Variants in UNC13B observed in about 807,000 individuals in gnomAD.
UNC13B encodes the protein unc-13 homolog B, also known as protein unc-13 homolog B.
Under a neutral mutation model 211.0 loss-of-function variants are expected in UNC13B, and 144 were observed. The observed-to-expected ratio is 0.68, with a 90% CI of 0.60 to 0.78. The LOEUF (loss-of-function observed/expected upper bound fraction) is 0.78, where lower values mean the gene tolerates loss of function less well. Among genes scored for constraint, UNC13B ranks in the 30% least tolerant of loss-of-function variants. The probability of loss-of-function intolerance (pLI) is 0.00; values close to 1 mark genes in which losing one functional copy is unlikely to be tolerated. For synonymous variants in UNC13B, 709 were observed against 725.8 expected, an observed-to-expected ratio of 0.98 and a Z score of 0.37; for missense variants, 1,777 against 2,002.0, an observed-to-expected ratio of 0.89 and a Z score of 2.14.
chr9:35,343,093 T>C (rs1832116523), intron 11 of UNC13B, among the ~76,000 whole-genome samples: 1 of 152,254 alleles, frequency 6.6e-6, no homozygotes, highest in Non-Finnish European at 1.5e-5. Flanking sequence ...GAAAGAGCAC[T>C]AACTTTGCAG....
chr9:35,335,046 TA>T (rs1188251028), intron 11 of UNC13B, among the ~76,000 whole-genome samples: 2 of 151,986 alleles, frequency 1.3e-5, no homozygotes, highest in South Asian at 4.2e-4. Flanking sequence ...TCAAAACAAA[TA>T]AAAAATTAAA....
chr9:35,308,616 G>C (rs908179132), intron 9 of UNC13B, among the ~76,000 whole-genome samples: 2 of 152,176 alleles, frequency 1.3e-5, no homozygotes, highest in African/African-American at 2.4e-5. Flanking sequence ...TCTGCCAAAT[G>C]TAATTCATTT....
chr9:35,327,531 T>C (rs1460192094), intron 11 of UNC13B, among the ~76,000 whole-genome samples: 1 of 152,122 alleles, frequency 6.6e-6, no homozygotes, highest in African/African-American at 2.4e-5. Context: ...GCCAGAAAAC[T>C]CAGCAAGCAA....
Position 35,301,648 on chromosome 9 carries a change from TGA to T in UNC13B, c.2248_2249del (p.Leu751IlefsTer33), listed in dbSNP as rs2131826877. On this transcript the variant is annotated frameshift_variant, in exon 9 of 40. Coordinates refer to ENST00000635942, the MANE Select transcript of UNC13B (RefSeq NM_001371189.2). LOFTEE classifies it high-confidence loss of function. ...NLVSSASKND[E>X]SLLEEKLCID... ...TAGTTAGTTCTGCAAGTAAAAATGA[TGA>T]GAGTCTATTGGAAGAAAAACTCTGT... The T allele has an allele frequency of 2.5e-6, 1 of 398,870 alleles. No individual in the cohort carries two copies. Among genetic ancestry groups the T allele is most frequent in the East Asian group, 3.6e-5 (1 of 28,072 alleles). The allele number at this position is 398,870 out of a possible 1,614,324, so 24.7% of individuals were successfully genotyped here. A position where few individuals can be genotyped will look rare whatever the true frequency, so the allele number is the denominator to read the frequency against.
intron 1 of UNC13B, among the ~76,000 whole-genome samples, chr9:35,177,962 A>G (rs917322807): frequency 7.9e-5 from 12 of 152,318 alleles, no homozygotes; most frequent in African/African-American, 2.9e-4. Flanking sequence ...AGAAAGAATA[A>G]CAACTTCTGG....
At chr9:35,266,602 A>G (rs1827591231) in intron 7 of UNC13B, among the ~76,000 whole-genome samples, 2 of 152,228 alleles carry the variant, frequency 1.3e-5, no homozygotes, top group South Asian at 2.1e-4. Flanking sequence ...AGTTATTTGG[A>G]TATACTCTTA....
At chr9:35,332,201 C>T (rs182034384) in intron 11 of UNC13B, among the ~76,000 whole-genome samples, 6 of 152,228 alleles carry the variant, frequency 3.9e-5, no homozygotes, top group African/African-American at 7.2e-5. Flanking sequence ...CCACCCGCCT[C>T]GGCCTCCCAA....
chr9:35,301,665 A>G lies in UNC13B; in HGVS notation c.2261A>G (p.Glu754Gly), dbSNP rs571940960. Reference sequence around the variant, plus strand: ...AAAAATGATGAGAGTCTATTGGAAGAAAAACTCTGTATAGATCTGTCTCTT... The same window carrying G: ...AAAAATGATGAGAGTCTATTGGAAGGAAAACTCTGTATAGATCTGTCTCTT... ...ASKNDESLLE[E>G]KLCIDLSLLP... The change falls in exon 9 of 40, where the codon GAA (glutamate) becomes GGA (glycine). Residue 754 changes from glutamate to glycine, a missense_variant. Glu to Gly is a moderately conservative substitution (Grantham distance 98). Coordinates refer to ENST00000635942, the MANE Select transcript of UNC13B (RefSeq NM_001371189.2). The G allele has an allele frequency of 7.5e-6, 3 of 398,926 alleles. No individual in the cohort carries two copies. In the East Asian group the frequency reaches 1.1e-4, roughly 14 times the overall value. The allele number at this position is 398,926 out of a possible 1,614,324, so 24.7% of individuals were successfully genotyped here.
intron 24 of UNC13B, among the ~76,000 whole-genome samples, chr9:35,388,759 AG>A (rs1835342135): frequency 6.6e-6 from 1 of 152,234 alleles, no homozygotes; most frequent in Non-Finnish European, 1.5e-5. Context: ...ATATTCTGGA[AG>A]GTGTAAACTA....
chr9:35,355,955 T>C (rs1832996472), intron 11 of UNC13B, among the ~76,000 whole-genome samples: 1 of 152,206 alleles, frequency 6.6e-6, no homozygotes, highest in East Asian at 1.9e-4. Flanking sequence ...CAGAGTTTCC[T>C]TTCTGGGCTG....
chr9:35,197,671 C>G (rs942404980), intron 1 of UNC13B, among the ~76,000 whole-genome samples: 1 of 152,108 alleles, frequency 6.6e-6, no homozygotes, highest in African/African-American at 2.4e-5. Flanking sequence ...GGTGATGGGC[C>G]ATGGGGGCGG....
At chr9:35,400,152 C>T (rs1351591477) in intron 36 of UNC13B, 144 bp from the exon 37 acceptor site, 9 of 1,173,522 alleles carry the variant, frequency 7.7e-6, no homozygotes, top group African/African-American at 1.5e-5. Context: ...AAATAATACT[C>T]ATCCAAGAGC....
intron 1 of UNC13B, among the ~76,000 whole-genome samples, chr9:35,198,374 T>G (rs1432381726): frequency 6.6e-6 from 1 of 152,230 alleles, no homozygotes; most frequent in Non-Finnish European, 1.5e-5. Flanking sequence ...CTGCTTCTCC[T>G]TGGCCTTCTG....
chr9:35,263,673 C>T (rs1003402713), intron 7 of UNC13B, among the ~76,000 whole-genome samples: 3 of 152,024 alleles, frequency 2.0e-5, no homozygotes, highest in African/African-American at 7.3e-5. Context: ...GTGTCTACCC[C>T]CCATTTATAT....
At position 35,303,168 on chromosome 9, in the gene UNC13B, C is replaced by T; in HGVS notation, c.3764C>T (p.Pro1255Leu). The change falls in exon 9 of 40, where the codon CCT becomes CTT. Residue 1255 changes from proline (P) to leucine (L), a missense_variant. By Grantham distance (98) the Pro-to-Leu change is moderately conservative. Transcript: ENST00000635942. ...TSSFIEASLL[P>L]KENIPLSDAG... ...AGCTTCATAGAAGCCTCCTTATTAC[C>T]TAAAGAAAACATACCATTATCTGAT... 2.5e-6 allele frequency: 1 copy of T among 398,626 alleles called. No homozygotes were observed. The highest frequency in any genetic ancestry group is 1.3e-4 in the South Asian group (1 of 7,840). The allele number at this position is 398,626 out of a possible 1,614,324, so 24.7% of individuals were successfully genotyped here. A position where few individuals can be genotyped will look rare whatever the true frequency, so the allele number is the denominator to read the frequency against.
chr9:35,180,091 TAGAA>T (rs1821852194), intron 1 of UNC13B, among the ~76,000 whole-genome samples: 2 of 152,350 alleles, frequency 1.3e-5, no homozygotes, highest in African/African-American at 2.4e-5. Context: ...AGAAAACATT[TAGAA>T]AGATACACTT....
intron 6 of UNC13B, among the ~76,000 whole-genome samples, chr9:35,253,170 CT>C (rs1366386998): frequency 6.6e-6 from 1 of 152,058 alleles, no homozygotes; most frequent in African/African-American, 2.4e-5. Context: ...GAGACAGGGT[CT>C]TGCTCTGTTG....
chr9:35,215,919 C>T (rs998246158), intron 1 of UNC13B, among the ~76,000 whole-genome samples: 3 of 152,030 alleles, frequency 2.0e-5, no homozygotes, highest in African/African-American at 7.3e-5. Flanking sequence ...TTACTATCAC[C>T]AGACAATAAC....
At chr9:35,365,161 T>C (rs912188994) in intron 11 of UNC13B, among the ~76,000 whole-genome samples, 2 of 152,254 alleles carry the variant, frequency 1.3e-5, no homozygotes, top group African/African-American at 4.8e-5. Flanking sequence ...ACTAATGCCC[T>C]GTGCTTGCAA....
Sources: gnomAD v4.1 joint callset for allele counts (sites outside exome capture counted in the v4.1 genomes callset) on GRCh38, gnomAD v4.1.1 for gene constraint, MANE v1.5 for transcripts, NCBI Gene and HGNC (gene_info 2026-07-23, HGNC 2026-07-21) for gene names.